The following ITPR2 variants were observed in gnomAD, a reference collection of about 807,000 sequenced individuals.
ITPR2 encodes the protein inositol 1,4,5-trisphosphate receptor type 2.
ITPR2 carries 207 observed loss-of-function variants against 317.1 expected under a neutral mutation model. That is an observed-to-expected ratio of 0.65 (90% confidence interval 0.58 to 0.73). The LOEUF is 0.73. ITPR2 is among the 30% of genes least tolerant of loss of function. ITPR2 has a pLI of 0.00. For missense variants in ITPR2, 2,613 were observed against 3,284.0 expected, an observed-to-expected ratio of 0.80 and a Z score of 4.99; for synonymous variants, 1,156 against 1,149.1, an observed-to-expected ratio of 1.01 and a Z score of -0.12.
At chr12:26,541,897 AG>A (rs1944273219) in intron 37 of ITPR2, among the ~76,000 whole-genome samples, 2 of 152,122 alleles carry the variant, frequency 1.3e-5, no homozygotes, top group Middle Eastern at 3.4e-3. Context: ...AAAAAAAAAA[AG>A]AGGACATCTT....
At chr12:26,376,086 C>T (rs1939333220) in intron 55 of ITPR2, among the ~76,000 whole-genome samples, 1 of 152,094 alleles carries the variant, frequency 6.6e-6, no homozygotes, top group Non-Finnish European at 1.5e-5. Flanking sequence ...GACCCGGTCT[C>T]AAAAAAGACA....
At chr12:26,567,963 TATATATTA>T (rs1945026149) in intron 34 of ITPR2, among the ~76,000 whole-genome samples, 1 of 18,930 alleles carries the variant, frequency 5.3e-5, no homozygotes, top group African/African-American at 1.7e-4. Flanking sequence ...TATATATATA[TATATATTA>T]TATATATTAT....
chr12:26,529,227 T>G (rs766642235), intron 37 of ITPR2, among the ~76,000 whole-genome samples: 1 of 152,228 alleles, frequency 6.6e-6, no homozygotes, highest in Non-Finnish European at 1.5e-5. Flanking sequence ...TGTCTAATGC[T>G]GAGAAACTCA....
intron 32 of ITPR2, 109 bp downstream of exon 32, chr12:26,595,356 G>A: frequency 9.8e-7 from 1 of 1,022,844 alleles, no homozygotes; most frequent in Non-Finnish European, 1.4e-6. Context: ...ATGAATGAAT[G>A]CAACAAATCA....
chr12:26,793,921 C>T (rs1994474), intron 1 of ITPR2, among the ~76,000 whole-genome samples: 73,788 of 151,958 alleles, frequency 0.49, 19,444 homozygotes, highest in East Asian at 0.92. Context: ...TCAATCCAAT[C>T]CATCAGTGCA....
chr12:26,417,893 T>C (rs1940771564), intron 50 of ITPR2, among the ~76,000 whole-genome samples: 1 of 152,176 alleles, frequency 6.6e-6, no homozygotes, highest in African/African-American at 2.4e-5. Flanking sequence ...AATTATAGAA[T>C]ATTACATGTC....
intron 55 of ITPR2, among the ~76,000 whole-genome samples, chr12:26,360,695 T>C (rs1246033143): frequency 1.3e-5 from 2 of 152,190 alleles, no homozygotes; most frequent in Non-Finnish European, 2.9e-5. Flanking sequence ...ATTTCCAAGG[T>C]CTTGTTGAAC....
intron 37 of ITPR2, among the ~76,000 whole-genome samples, chr12:26,498,025 C>T (rs1339129367): frequency 2.6e-5 from 4 of 152,196 alleles, no homozygotes; most frequent in Non-Finnish European, 1.5e-5. Context: ...CATGAGCCAC[C>T]GTGCCCGGTC....
At chr12:26,653,927 T>A in intron 21 of ITPR2, 49 bp downstream of exon 21, 1 of 1,517,462 alleles carries the variant, frequency 6.6e-7, no homozygotes, top group Non-Finnish European at 9.1e-7. Context: ...TTTTTTATCT[T>A]ACTTCCAAGT....
At chr12:26,598,491 G>A (rs969346040) in intron 30 of ITPR2, among the ~76,000 whole-genome samples, 3 of 152,090 alleles carry the variant, frequency 2.0e-5, no homozygotes, top group African/African-American at 2.4e-5. Context: ...TTTAATCAAC[G>A]GGCTCTTTAA....
At chr12:26,730,316 C>T (rs775959028) in intron 2 of ITPR2, among the ~76,000 whole-genome samples, 2 of 152,182 alleles carry the variant, frequency 1.3e-5, no homozygotes, top group Non-Finnish European at 2.9e-5. Flanking sequence ...CAGAGCAACC[C>T]GGTCTCACCT....
chr12:26,400,351 A>G (rs1940134368), intron 52 of ITPR2, 93 bp from the exon 53 acceptor site: 2 of 550,894 alleles, frequency 3.6e-6, no homozygotes, highest in Non-Finnish European at 5.5e-6. Flanking sequence ...CAATAAATAT[A>G]CATACATATA....
intron 34 of ITPR2, among the ~76,000 whole-genome samples, chr12:26,567,990 ATATATATTATATATATTATATATATAT>A (rs1945041915): frequency 1.4e-4 from 1 of 7,302 alleles, no homozygotes; most frequent in African/African-American, 2.5e-4. Flanking sequence ...ATATATATAT[ATATATATTATATATATTATATATATAT>A]ATATATATAT....
intron 52 of ITPR2, among the ~76,000 whole-genome samples, chr12:26,403,330 T>G (rs951165775): frequency 6.6e-6 from 1 of 152,092 alleles, no homozygotes; most frequent in Non-Finnish European, 1.5e-5. Flanking sequence ...AGCTGAAGAA[T>G]TTAAACTTAA....
Position 26,339,494 on chromosome 12 carries a change from A to C in ITPR2, c.8020-11T>G. 6.2e-7 allele frequency: 1 copy of C among 1,611,392 alleles called. No individual in the cohort carries two copies. Among genetic ancestry groups the C allele is most frequent in the Non-Finnish European group, 8.5e-7 (1 of 1,177,728 alleles). ...CCTTTGTTCTGTCATCTGGGGGAAA[A>C]GAGAGAGTGTGTGTTCAGCGGATTT... On this transcript the variant is annotated splice_polypyrimidine_tract_variant and intron_variant, in intron 56 of 56. Transcript: ENST00000381340.
rs1409793708 is a variant in ITPR2 at position 26,447,808 on chromosome 12, T to G, written c.6343-4158A>C. ...TTTACTAAAAGCACAATACAATGTCTTAGAGACCAATTAACATATACTTAA... is the reference window on the plus strand; with the variant it reads ...TTTACTAAAAGCACAATACAATGTCGTAGAGACCAATTAACATATACTTAA... On this transcript the variant is annotated intron_variant, in intron 45 of 56. Coordinates refer to ENST00000381340, the MANE Select transcript of ITPR2 (RefSeq NM_002223.4). Among the ~76,000 whole-genome samples the G allele has an allele frequency of 2.6e-5, 4 of 152,012 alleles. No homozygotes were observed. In the East Asian group the frequency reaches 7.7e-4, roughly 29 times the overall value.
chr12:26,569,015 T>C (rs1010856153), intron 34 of ITPR2, among the ~76,000 whole-genome samples: 1 of 151,890 alleles, frequency 6.6e-6, no homozygotes, highest in Non-Finnish European at 1.5e-5. Context: ...CTGGAAAAAA[T>C]AAAGTTGGTT....
chr12:26,440,744 A>G (rs11048521), intron 46 of ITPR2, among the ~76,000 whole-genome samples: 54,704 of 151,456 alleles, frequency 0.36, 10,144 homozygotes, highest in African/African-American at 0.46. Context: ...ACTTGATTCA[A>G]TAGTGTCAAA....
chr12:26,832,564 G>A, intron 1 of ITPR2, 126 bp downstream of exon 1: 1 of 596,404 alleles, frequency 1.7e-6, no homozygotes, highest in Non-Finnish European at 2.8e-6. Context: ...GCTGTCCGCG[G>A]GCGCCGACCC....
Sources: allele counts gnomAD v4.1 joint callset (sites outside exome capture counted in the v4.1 genomes callset), GRCh38; gene constraint gnomAD v4.1.1; transcripts MANE v1.5; gene names NCBI Gene and HGNC (gene_info 2026-07-23, HGNC 2026-07-21).